The following CLIC6 variants were observed in gnomAD, a reference collection of about 807,000 sequenced individuals.
CLIC6 encodes the protein CLIC family member 6, also known as chloride intracellular channel protein 6.
In CLIC6, 39 loss-of-function variants were observed where a neutral mutation model predicts 49.2. The observed-to-expected ratio is 0.79, with a 90% CI of 0.61 to 1.04. CLIC6 has a LOEUF of 1.04. CLIC6 is among the 50% of genes least tolerant of loss of function. CLIC6 has a pLI of 0.00. For synonymous variants in CLIC6, 446 were observed against 433.4 expected (o/e 1.03, Z -0.36); for missense variants, 988 against 993.1 (o/e 0.99, Z 0.07).
intron 1 of CLIC6, among the ~76,000 whole-genome samples, chr21:34,671,121 TAAA>T (rs58413747): frequency 1.9e-3 from 226 of 115,978 alleles, no homozygotes; most frequent in African/African-American, 7.1e-3. Flanking sequence ...ACTAAAAAGT[TAAA>T]AAAAAAAAAA....
At chr21:34,713,120 G>A (rs2056067320) in intron 5 of CLIC6, among the ~76,000 whole-genome samples, 1 of 151,936 alleles carries the variant, frequency 6.6e-6, no homozygotes, top group Non-Finnish European at 1.5e-5. Flanking sequence ...AGACCTTGGG[G>A]TAGACAGAGT....
chr21:34,670,539 AGGAAGCAGC>A lies in CLIC6; in HGVS notation c.1154_1162del (p.Glu385_Ala387del). The stretch of plus-strand genomic sequence containing the variant: ...CGGAGCCCGGAGGGGCCAAGGGAGG[AGGAAGCAGC>A]GGGGGGCGAAGAGGAATCCCCCGAC... On this transcript the variant is annotated inframe_deletion, in exon 1 of 6. Transcript: ENST00000349499. The A allele has an allele frequency of 6.7e-7, 1 of 1,499,016 alleles. No individual in the cohort carries two copies. The highest frequency in any genetic ancestry group is 8.9e-7 in the Non-Finnish European group (1 of 1,124,454). 92.9% of individuals were successfully genotyped at this position (1,499,016 alleles called of 1,614,324 possible). A position where few individuals can be genotyped will look rare whatever the true frequency, so the allele number is the denominator to read the frequency against.
At chr21:34,682,453 G>T (rs997511914) in intron 1 of CLIC6, among the ~76,000 whole-genome samples, 9 of 152,064 alleles carry the variant, frequency 5.9e-5, no homozygotes, top group Admixed American at 5.9e-4. Flanking sequence ...TTTATATATT[G>T]ATATTTGTTT....
intron 1 of CLIC6, among the ~76,000 whole-genome samples, chr21:34,686,523 A>G (rs577865784): frequency 1.3e-5 from 2 of 152,362 alleles, no homozygotes; most frequent in Admixed American, 1.3e-4. Context: ...CCTATTAAGA[A>G]GTGAGGTTTG....
intron 4 of CLIC6, 59 bp from the exon 5 acceptor site, chr21:34,709,298 G>C: frequency 6.7e-7 from 1 of 1,483,486 alleles, no homozygotes; most frequent in East Asian, 2.3e-5. Flanking sequence ...ATCACAGCTG[G>C]TGAAAAGTGA....
At chr21:34,715,358 G>A (rs1305197721) in intron 5 of CLIC6, among the ~76,000 whole-genome samples, 1 of 152,198 alleles carries the variant, frequency 6.6e-6, no homozygotes, top group South Asian at 2.1e-4. Context: ...ATCCAGGATG[G>A]CCAGTATCGT....
At chr21:34,712,437 G>C (rs147876988) in intron 5 of CLIC6, among the ~76,000 whole-genome samples, 2 of 152,154 alleles carry the variant, frequency 1.3e-5, no homozygotes, top group Admixed American at 1.3e-4. Context: ...ATGTTTCTCC[G>C]TATCTTTAGC....
In CLIC6 at chr21:34,698,619, G is replaced by A. The variant is rs189606588; in HGVS notation, c.1375-8661G>A. ...TGTTGTGTCAGGCATTGTTCTAGGCGTCGTATGTGTACCATCTCATTTAAT... is the reference window on the plus strand; with the variant it reads ...TGTTGTGTCAGGCATTGTTCTAGGCATCGTATGTGTACCATCTCATTTAAT... On this transcript the variant is annotated intron_variant, in intron 1 of 5. Coordinates refer to ENST00000349499, the MANE Select transcript of CLIC6 (RefSeq NM_053277.3). Among the ~76,000 whole-genome samples, 30 of 152,234 alleles carry A rather than the reference G, an allele frequency of 2.0e-4. No homozygotes were observed. The East Asian group carries it at 4.8e-3, about 24-fold the overall frequency.
At chr21:34,694,769 G>A (rs1182886967) in intron 1 of CLIC6, among the ~76,000 whole-genome samples, 1 of 152,180 alleles carries the variant, frequency 6.6e-6, no homozygotes, top group Non-Finnish European at 1.5e-5. Context: ...AATACACCTT[G>A]GTTGTTAGAG....
chr21:34,701,308 CAAAA>C (rs763844976), intron 1 of CLIC6, among the ~76,000 whole-genome samples: 31 of 49,578 alleles, frequency 6.3e-4, no homozygotes, highest in South Asian at 1.8e-3. Context: ...GGCTCCGTCT[CAAAA>C]AAAAAAAAAA....
At chr21:34,685,930 C>T (rs2145804189) in intron 1 of CLIC6, among the ~76,000 whole-genome samples, 1 of 152,234 alleles carries the variant, frequency 6.6e-6, no homozygotes, top group African/African-American at 2.4e-5. Flanking sequence ...CCCATTTATG[C>T]CTAGTATTCC....
At chr21:34,714,184 C>G (rs1023456924) in intron 5 of CLIC6, among the ~76,000 whole-genome samples, 5 of 152,152 alleles carry the variant, frequency 3.3e-5, no homozygotes, top group Non-Finnish European at 7.3e-5. Context: ...AATAAAAGAA[C>G]AGGCCCTAAA....
In CLIC6 at chr21:34,669,943, G is replaced by A; in HGVS notation, c.555G>A (p.Arg185=). Residue 185 remains arginine (R), a synonymous_variant, in exon 1 of 6, where the codon CGG becomes CGA. Coordinates refer to ENST00000349499, the MANE Select transcript of CLIC6 (RefSeq NM_053277.3). The part of the protein sequence containing the change: ...PAGDSVEAEG[R]VGDSVDAEGP... The stretch of plus-strand genomic sequence containing the variant: ...GCGACAGCGTAGAGGCGGAGGGCCG[G>A]GTGGGGGACAGCGTAGACGCGGAAG... The A allele has an allele frequency of 1.4e-6, 2 of 1,384,282 alleles. No homozygotes were observed. Among genetic ancestry groups the A allele is most frequent in the African/African-American group, 1.5e-5 (1 of 65,096 alleles). The allele number at this position is 1,384,282 out of a possible 1,614,324, so 85.7% of individuals were successfully genotyped here. A position where few individuals can be genotyped will look rare whatever the true frequency, so the allele number is the denominator to read the frequency against.
chr21:34,682,954 G>A (rs944293576), intron 1 of CLIC6, among the ~76,000 whole-genome samples: 14 of 151,812 alleles, frequency 9.2e-5, no homozygotes, highest in African/African-American at 2.7e-4. Flanking sequence ...TGGGACTACA[G>A]GCGCCCGCCA....
At chr21:34,691,339 C>CT (rs59142393) in intron 1 of CLIC6, among the ~76,000 whole-genome samples, 11 of 151,654 alleles carry the variant, frequency 7.3e-5, no homozygotes, top group South Asian at 2.1e-4. Flanking sequence ...AAATGCCACA[C>CT]TTTTTTTTTG....
rs368473675 is a variant in CLIC6 at position 34,690,445 on chromosome 21, T to C, written c.1375-16835T>C. On this transcript the variant is annotated intron_variant, in intron 1 of 5. Transcript: ENST00000349499. Reference sequence around the variant, plus strand: ...CAGTTTTCTAAAGCCTCACTTTCCTTTATCCCTTAACACAGGACTGAAATA... The same window carrying C: ...CAGTTTTCTAAAGCCTCACTTTCCTCTATCCCTTAACACAGGACTGAAATA... Among the ~76,000 whole-genome samples the C allele has an allele frequency of 5.6e-4, 85 of 152,322 alleles. No homozygotes were observed. In the South Asian group the frequency reaches 9.3e-3, roughly 17 times the overall value.
intron 1 of CLIC6, among the ~76,000 whole-genome samples, chr21:34,687,088 G>A (rs1200270849): frequency 6.6e-6 from 1 of 152,198 alleles, no homozygotes; most frequent in Admixed American, 6.5e-5. Flanking sequence ...GATATGCCAT[G>A]ACTGATGTCT....
intron 1 of CLIC6, among the ~76,000 whole-genome samples, chr21:34,694,554 A>G (rs1990058509): frequency 6.6e-6 from 1 of 151,482 alleles, no homozygotes; most frequent in Non-Finnish European, 1.5e-5. Flanking sequence ...ACTGTGTGGC[A>G]CCTCCTCCTT....
At chr21:34,683,565 T>G (rs1280310605) in intron 1 of CLIC6, among the ~76,000 whole-genome samples, 3 of 152,166 alleles carry the variant, frequency 2.0e-5, no homozygotes, top group African/African-American at 2.4e-5. Flanking sequence ...CACCCAAATC[T>G]CATCTCGAAT....
Sources: allele counts gnomAD v4.1 joint callset (sites outside exome capture counted in the v4.1 genomes callset), GRCh38; gene constraint gnomAD v4.1.1; transcripts MANE v1.5; gene names NCBI Gene and HGNC (gene_info 2026-07-23, HGNC 2026-07-21).